Variants in GPM6A observed in about 807,000 individuals in gnomAD.
GPM6A encodes the protein glycoprotein M6A, also known as neuronal membrane glycoprotein M6-a.
GPM6A carries 7 observed loss-of-function variants against 32.1 expected under a neutral mutation model. The ratio of observed to expected loss-of-function variants is 0.22; its 90% CI spans 0.12 to 0.41. The LOEUF is 0.41. Ranked by LOEUF, GPM6A falls within the 10% of genes least tolerant of loss-of-function variation. The pLI is 1.00. For missense variants in GPM6A, 235 were observed against 347.2 expected, an observed-to-expected ratio of 0.68 and a Z score of 2.57; for synonymous variants, 130 against 123.4, an observed-to-expected ratio of 1.05 and a Z score of -0.35.
intron 1 of GPM6A, among the ~76,000 whole-genome samples, chr4:175,829,860 C>T (rs1300332370): frequency 1.3e-5 from 2 of 151,576 alleles, no homozygotes; most frequent in African/African-American, 4.9e-5. Context: ...ACTAGAAAAC[C>T]TAATGCAAAA....
intron 1 of GPM6A, among the ~76,000 whole-genome samples, chr4:175,708,941 G>A (rs565895558): frequency 3.0e-4 from 45 of 152,266 alleles, no homozygotes; most frequent in Admixed American, 7.2e-4. Context: ...AGAACAACCA[G>A]TAAAACTATC....
intron 1 of GPM6A, among the ~76,000 whole-genome samples, chr4:175,754,386 A>G (rs1003815344): frequency 6.6e-6 from 1 of 152,168 alleles, no homozygotes; most frequent in East Asian, 1.9e-4. Flanking sequence ...TTTTGATCCC[A>G]AAAGTAACTT....
chr4:175,780,209 A>G (rs563061194), intron 1 of GPM6A, among the ~76,000 whole-genome samples: 1 of 152,000 alleles, frequency 6.6e-6, no homozygotes, highest in Admixed American at 6.6e-5. Flanking sequence ...CCCCACGCCC[A>G]GCTGATTTTT....
chr4:175,847,347 T>A (rs558487130), intron 1 of GPM6A, among the ~76,000 whole-genome samples: 1 of 152,302 alleles, frequency 6.6e-6, no homozygotes, highest in South Asian at 2.1e-4. Flanking sequence ...TCCAAAAATA[T>A]TAAATGGAAA....
intron 1 of GPM6A, among the ~76,000 whole-genome samples, chr4:175,781,600 A>T (rs770951656): frequency 1.3e-5 from 2 of 152,146 alleles, no homozygotes; most frequent in Non-Finnish European, 2.9e-5. Flanking sequence ...TCATTACCTC[A>T]ATGCTTTCTT....
chr4:175,721,174 T>C (rs1471963763), intron 1 of GPM6A, among the ~76,000 whole-genome samples: 1 of 147,378 alleles, frequency 6.8e-6, no homozygotes, highest in Non-Finnish European at 1.5e-5. Context: ...TATTTTCTAT[T>C]TTTAAAAAGG....
chr4:175,935,280 G>A (rs1263816830), intron 1 of GPM6A, among the ~76,000 whole-genome samples: 1 of 152,126 alleles, frequency 6.6e-6, no homozygotes, highest in Admixed American at 6.5e-5. Context: ...CTCTTAGGTG[G>A]CAGGTCCCTT....
intron 1 of GPM6A, among the ~76,000 whole-genome samples, chr4:175,702,555 C>T (rs1744938568): frequency 6.6e-6 from 1 of 152,076 alleles, no homozygotes; most frequent in South Asian, 2.1e-4. Flanking sequence ...GGCTCTGTTG[C>T]CCAGGTTGGA....
intron 2 of GPM6A, among the ~76,000 whole-genome samples, chr4:175,676,742 T>A (rs1253521906): frequency 6.6e-6 from 1 of 151,984 alleles, no homozygotes; most frequent in Non-Finnish European, 1.5e-5. Context: ...TGAGAACCTA[T>A]CTAAATGTAA....
chr4:175,772,931 G>T (rs373208467), intron 1 of GPM6A, among the ~76,000 whole-genome samples: 270 of 152,180 alleles, frequency 1.8e-3, no homozygotes, highest in African/African-American at 5.4e-3. Context: ...ATTTCCTCTG[G>T]ACCCCCTTGG....
intron 1 of GPM6A, among the ~76,000 whole-genome samples, chr4:175,967,887 C>A (rs1276471407): frequency 6.6e-6 from 1 of 152,014 alleles, no homozygotes; most frequent in Non-Finnish European, 1.5e-5. Context: ...AAATCTCAGC[C>A]AATTATTTTC....
In GPM6A at chr4:175,873,733, T is replaced by C. The variant is rs143805058; in HGVS notation, c.-22-61484A>G. On this transcript the variant is annotated intron_variant, in intron 1 of 7. Coordinates refer to the GPM6A transcript ENST00000280187. ...CCAATATTTAAAAGAGATAACAATA[T>C]GTAAAATTATCTCTTGGTCTCCTCA... is the stretch of plus-strand genomic sequence containing the variant. Among the ~76,000 whole-genome samples, 379 of 152,300 alleles carry C rather than the reference T, an allele frequency of 2.5e-3. 1 individual carries two copies. The highest frequency in any genetic ancestry group is 8.1e-3 in the African/African-American group (336 of 41,570).
intron 1 of GPM6A, among the ~76,000 whole-genome samples, chr4:175,990,175 A>T (rs1294693899): frequency 6.6e-6 from 1 of 152,216 alleles, no homozygotes; most frequent in African/African-American, 2.4e-5. Context: ...TATTCTAACA[A>T]ATAAAAAGAT....
intron 1 of GPM6A, among the ~76,000 whole-genome samples, chr4:175,993,762 A>G (rs975982749): frequency 2.0e-5 from 3 of 152,200 alleles, no homozygotes; most frequent in African/African-American, 4.8e-5. Context: ...CATGACCCCA[A>G]ATAATGAAGG....
chr4:175,915,999 G>A (rs1738481192), intron 1 of GPM6A, among the ~76,000 whole-genome samples: 1 of 152,308 alleles, frequency 6.6e-6, no homozygotes, highest in Admixed American at 6.5e-5. Context: ...AGGCTGATGT[G>A]TCATGCTCAC....
intron 6 of GPM6A, among the ~76,000 whole-genome samples, 162 bp downstream of exon 6, chr4:175,639,964 CTTG>C (rs1353623387): frequency 6.7e-6 from 1 of 150,186 alleles, no homozygotes; most frequent in East Asian, 1.9e-4. Flanking sequence ...GGGGTTTAGT[CTTG>C]TTGTTGACTT....
intron 1 of GPM6A, among the ~76,000 whole-genome samples, chr4:175,890,908 T>C (rs1382478527): frequency 6.6e-6 from 1 of 152,104 alleles, no homozygotes; most frequent in Admixed American, 6.6e-5. Flanking sequence ...TGCAGTATGA[T>C]AACATTTATA....
At chr4:175,869,222 T>C (rs1303200273) in intron 1 of GPM6A, among the ~76,000 whole-genome samples, 1 of 152,214 alleles carries the variant, frequency 6.6e-6, no homozygotes, top group Non-Finnish European at 1.5e-5. Context: ...TTACCTTTTA[T>C]CTATGCATTT....
At chr4:175,741,082 T>C (rs143863472) in intron 1 of GPM6A, among the ~76,000 whole-genome samples, 178 of 152,200 alleles carry the variant, frequency 1.2e-3, no homozygotes, top group African/African-American at 4.0e-3. Flanking sequence ...AACTGTCTAA[T>C]TGGTTCTCCA....
Sources: gnomAD v4.1 joint callset for allele counts (sites outside exome capture counted in the v4.1 genomes callset) on GRCh38, gnomAD v4.1.1 for gene constraint, MANE v1.5 for transcripts, NCBI Gene and HGNC (gene_info 2026-07-23, HGNC 2026-07-21) for gene names.